The following C1orf94 variants were observed in gnomAD, a reference collection of about 807,000 sequenced individuals.
C1orf94 encodes chromosome 1 open reading frame 94.
Under a neutral mutation model 53.6 loss-of-function variants are expected in C1orf94, and 45 were observed. The observed-to-expected ratio is 0.84, with a 90% confidence interval of 0.66 to 1.08. C1orf94 has a LOEUF of 1.08. Among genes scored for constraint, C1orf94 ranks in the 50% least tolerant of loss-of-function variants. The probability of loss-of-function intolerance (pLI) is 0.00; values close to 1 mark genes in which losing one functional copy is unlikely to be tolerated. For synonymous variants in C1orf94, 304 were observed against 296.1 expected (o/e 1.03, Z -0.27); for missense variants, 762 against 738.9 (o/e 1.03, Z -0.36).
At chr1:34,179,173 C>T (rs1642276598) in intron 1 of C1orf94, among the ~76,000 whole-genome samples, 1 of 152,266 alleles carries the variant, frequency 6.6e-6, no homozygotes, top group African/African-American at 2.4e-5. Flanking sequence ...CCTGCTGTCC[C>T]TCTGTGGGCT....
chr1:34,200,623 T>G, intron 2 of C1orf94, 149 bp from the exon 3 acceptor site: 1 of 1,039,828 alleles, frequency 9.6e-7, no homozygotes, highest in Non-Finnish European at 1.4e-6. Context: ...GAGATTGGGA[T>G]TGTATTTGGC....
chr1:34,213,475 T>C (rs1178922416), intron 6 of C1orf94, among the ~76,000 whole-genome samples: 2 of 152,162 alleles, frequency 1.3e-5, no homozygotes, highest in Non-Finnish European at 2.9e-5. Flanking sequence ...GCACGGAGAA[T>C]GTTCAAGAAG....
intron 1 of C1orf94, among the ~76,000 whole-genome samples, chr1:34,195,020 C>T (rs560751654): frequency 2.3e-4 from 35 of 151,928 alleles, no homozygotes; most frequent in South Asian, 8.4e-4. Context: ...GGGACTCAGC[C>T]GGGAAAGTGA....
chr1:34,181,407 A>G (rs1642310064), intron 1 of C1orf94, among the ~76,000 whole-genome samples: 1 of 152,258 alleles, frequency 6.6e-6, no homozygotes, highest in South Asian at 2.1e-4. Flanking sequence ...GTTTCCTGTT[A>G]ATGACAACCA....
At chr1:34,171,881 C>T (rs1642150295) in intron 1 of C1orf94, among the ~76,000 whole-genome samples, 1 of 152,220 alleles carries the variant, frequency 6.6e-6, no homozygotes, top group Non-Finnish European at 1.5e-5. Flanking sequence ...GCCTTATTAC[C>T]TCCATGAGGC....
chr1:34,167,069 G>A (rs1204819806), exon 1 of C1orf94: 2 of 152,370 alleles, frequency 1.3e-5, no homozygotes, highest in Non-Finnish European at 2.9e-5. Context: ...GGGCAGTGAG[G>A]AGGGGGCTTC....
In C1orf94 at chr1:34,197,590, T is replaced by C. The variant is rs1170473968; in HGVS notation, c.686T>C (p.Leu229Pro). 6.2e-7 allele frequency: 1 copy of C among 1,614,174 alleles called. No individual in the cohort carries two copies. The highest frequency in any genetic ancestry group is 1.7e-5 in the Admixed American group (1 of 60,028). The change falls in exon 2 of 7, where the codon CTA (leucine) becomes CCA (proline). Residue 229 changes from leucine to proline, a missense_variant. Physicochemically the swap from Leu to Pro is moderately conservative, Grantham distance 98. Transcript: ENST00000488417. This position sits in a 1 kb window ranked among gnomAD's most constrained non-coding sequence, Gnocchi z 4.1. ...GGGACAGAGGACAGGGGCCGCATCC[T>C]AGGTGACTCCAACTTGCAAGTCAGC... ...SKGTEDRGRI[L>P]GDSNLQVSKL...
intron 1 of C1orf94, among the ~76,000 whole-genome samples, chr1:34,189,544 T>A (rs1642448137): frequency 6.6e-6 from 1 of 152,206 alleles, no homozygotes; most frequent in African/African-American, 2.4e-5. Context: ...GAAATAGGTA[T>A]CTGTCAGAGA....
chr1:34,169,596 TGAGAGA>T lies in C1orf94; in HGVS notation c.-251+2459_-251+2464del, dbSNP rs568952022. On this transcript the variant is annotated intron_variant, in intron 1 of 6. Transcript: ENST00000373374. Reference sequence around the variant, plus strand: ...AAAAGATCAAAAAGCCTTCTGAAGCTGAGAGAGAGAGAGAGAGAGAGAGAGAGAGAG... The same window carrying T: ...AAAAGATCAAAAAGCCTTCTGAAGCTGAGAGAGAGAGAGAGAGAGAGAGAG... 7.0e-3 allele frequency among the ~76,000 whole-genome samples: 684 copies of T among 97,598 alleles called. 6 individuals are homozygous for T. Among genetic ancestry groups the T allele is most frequent in the African/African-American group, 0.024 (643 of 26,690 alleles). 64.0% of individuals were successfully genotyped at this position (97,598 alleles called of 152,430 possible). A position where few individuals can be genotyped will look rare whatever the true frequency, so the allele number is the denominator to read the frequency against.
chr1:34,193,147 A>G (rs1642521746), intron 1 of C1orf94, among the ~76,000 whole-genome samples: 1 of 152,118 alleles, frequency 6.6e-6, no homozygotes. Flanking sequence ...GCGAATCTCG[A>G]TGGCAGCGAA....
upstream of C1orf94, among the ~76,000 whole-genome samples, chr1:34,174,780 T>C (rs1276252368): frequency 2.0e-5 from 3 of 152,238 alleles, no homozygotes; most frequent in Non-Finnish European, 4.4e-5. Context: ...GACTTCGTTA[T>C]GGTAGCCCTA....
intron 4 of C1orf94, among the ~76,000 whole-genome samples, chr1:34,207,682 C>T (rs762215685): frequency 7.9e-5 from 12 of 152,140 alleles, no homozygotes; most frequent in Admixed American, 2.0e-4. Context: ...AACACACACA[C>T]GTAGAGACGT....
intron 1 of C1orf94, among the ~76,000 whole-genome samples, chr1:34,192,902 G>C (rs1361548032): frequency 6.6e-6 from 1 of 152,170 alleles, no homozygotes; most frequent in Non-Finnish European, 1.5e-5. Flanking sequence ...GAAGAGGGAG[G>C]AGATGGGGCC....
At chr1:34,169,596 TGAGAGAGAGAGAGAGA>T (rs568952022) in intron 1 of C1orf94, among the ~76,000 whole-genome samples, 4 of 97,552 alleles carry the variant, frequency 4.1e-5, no homozygotes, top group African/African-American at 1.5e-4. Flanking sequence ...CTTCTGAAGC[TGAGAGAGAGAGAGAGA>T]GAGAGAGAGA....
intron 1 of C1orf94, among the ~76,000 whole-genome samples, chr1:34,179,953 A>G (rs1364057540): frequency 2.6e-5 from 4 of 152,242 alleles, no homozygotes; most frequent in Non-Finnish European, 5.9e-5. Context: ...CTATTGAGAA[A>G]AGAGATAGGA....
chr1:34,203,660 G>A (rs1408577174), intron 4 of C1orf94, among the ~76,000 whole-genome samples: 1 of 152,146 alleles, frequency 6.6e-6, no homozygotes, highest in Non-Finnish European at 1.5e-5. Flanking sequence ...TTGTTCTTGG[G>A]ATCATAGCTA....
chr1:34,193,639 GC>G (rs2148616248), intron 1 of C1orf94, among the ~76,000 whole-genome samples: 1 of 152,338 alleles, frequency 6.6e-6, no homozygotes, highest in Non-Finnish European at 1.5e-5. Flanking sequence ...CTGTGGCAAG[GC>G]CCTTAGCCTT....
At chr1:34,190,875 C>T (rs1642470518) in intron 1 of C1orf94, among the ~76,000 whole-genome samples, 1 of 152,190 alleles carries the variant, frequency 6.6e-6, no homozygotes, top group Non-Finnish European at 1.5e-5. Flanking sequence ...TGGCTGAAAA[C>T]TGTGACTCAT....
In C1orf94 at chr1:34,218,877, A is replaced by T. The variant is rs1295815576; in HGVS notation, c.*116A>T. 1.3e-6 allele frequency: 1 copy of T among 768,080 alleles called. No homozygotes were observed. Among genetic ancestry groups the T allele is most frequent in the Non-Finnish European group, 2.0e-6 (1 of 502,870 alleles). 47.6% of individuals were successfully genotyped at this position (768,080 alleles called of 1,614,324 possible). A position where few individuals can be genotyped will look rare whatever the true frequency, so the allele number is the denominator to read the frequency against. On this transcript the variant is annotated 3_prime_UTR_variant, in exon 7 of 7. Transcript: ENST00000488417. Reference sequence around the variant, plus strand: ...GGAAAAGCAAGGTTCTGACCAGGTCACAGACAAAACAGCAAGACCAGATTC... The same window carrying T: ...GGAAAAGCAAGGTTCTGACCAGGTCTCAGACAAAACAGCAAGACCAGATTC...
Sources: gnomAD v4.1 joint callset for allele counts (sites outside exome capture counted in the v4.1 genomes callset) on GRCh38, gnomAD v4.1.1 for gene constraint, Gnocchi (gnomAD v3.1) non-coding constraint, MANE v1.5 for transcripts, NCBI Gene and HGNC (gene_info 2026-07-23, HGNC 2026-07-21) for gene names.